Variants in BCAN observed in about 807,000 individuals in gnomAD.
BCAN encodes brevican, also known as brevican core protein.
Under a neutral mutation model 92.4 loss-of-function variants are expected in BCAN, and 51 were observed. The ratio of observed to expected loss-of-function variants is 0.55; its 90% CI spans 0.44 to 0.70. BCAN has a LOEUF of 0.70. BCAN is among the 30% of genes least tolerant of loss of function. The probability of loss-of-function intolerance (pLI) is 0.00; values close to 1 mark genes in which losing one functional copy is unlikely to be tolerated. For missense variants in BCAN, 1,140 were observed against 1,212.1 expected, an observed-to-expected ratio of 0.94 and a Z score of 0.88; for synonymous variants, 501 against 505.2, an observed-to-expected ratio of 0.99 and a Z score of 0.11.
rs1182682283 is a variant in BCAN, at chr1:156,648,657, A to G, written c.859A>G (p.Thr287Ala). The G allele has an allele frequency of 5.6e-6, 9 of 1,613,304 alleles. No individual in the cohort carries two copies. The East Asian group carries it at 1.3e-4, about 24-fold the overall frequency. The change falls in exon 6 of 14, where the codon ACG becomes GCG. Residue 287 changes from threonine (T) to alanine (A), a missense_variant. By Grantham distance (58) the Thr-to-Ala change is moderately conservative (BLOSUM62 0). Transcript: ENST00000329117. ...CQERGAEIATTGQLYAAWDGG... is the reference protein window; with the variant it reads ...CQERGAEIATAGQLYAAWDGG... ...GGAGCGGGGTGCAGAGATTGCCACC[A>G]CGGGCCAACTGTATGCAGCCTGGGA...
Position 156,646,948 on chromosome 1 carries a change from C to T in BCAN, c.239C>T (p.Thr80Ile), listed in dbSNP as rs1678999531. The change falls in exon 3 of 14, where the codon ACT (threonine) becomes ATT (isoleucine). Residue 80 changes from threonine (T) to isoleucine (I), a missense_variant. Thr to Ile is a moderately conservative substitution (Grantham distance 89). This residue lies in a region of BCAN where 286 missense variants were observed against 284.1 expected (regional missense o/e 1.01). Coordinates refer to ENST00000329117, the MANE Select transcript of BCAN (RefSeq NM_021948.5). The stretch of plus-strand genomic sequence containing the variant: ...CTGGGCTCTCCGCGGGTCAAGTGGA[C>T]TTTCCTGTCCCGGGGCCGGGAGGCA... ...AVLGSPRVKW[T>I]FLSRGREAEV... The T allele has an allele frequency of 6.2e-7, 1 of 1,612,826 alleles. No homozygotes were observed. The highest frequency in any genetic ancestry group is 8.5e-7 in the Non-Finnish European group (1 of 1,179,610).
rs1679046291 is a variant in BCAN, at chr1:156,648,091, T to C, written c.750T>C (p.Cys250=). The change falls in exon 5 of 14, where the codon TGT becomes TGC. Residue 250 remains cysteine (C), a synonymous_variant. Transcript: ENST00000329117. ...CGGATGACCTCTATGATGTGTACTG[T>C]TATGCTGAAGACCTAAATGGTGATT... ...VDPDDLYDVY[C]YAEDLNGELF... 1.9e-6 allele frequency: 3 copies of C among 1,613,534 alleles called. No individual in the cohort carries two copies. Among genetic ancestry groups the C allele is most frequent in the Admixed American group, 1.7e-5 (1 of 59,990 alleles).
chr1:156,658,997 G>C lies in BCAN; in HGVS notation c.2629-30G>C. 6.4e-7 allele frequency: 1 copy of C among 1,554,892 alleles called. No homozygotes were observed. Among genetic ancestry groups the C allele is most frequent in the Non-Finnish European group, 8.7e-7 (1 of 1,143,748 alleles). On this transcript the variant is annotated intron_variant, in intron 13 of 13. Coordinates refer to ENST00000329117, the MANE Select transcript of BCAN (RefSeq NM_021948.5). This position sits in a 1 kb window ranked among gnomAD's most constrained non-coding sequence, Gnocchi z 4.4. ...CTGAGGAGAGGAGAAGGAAGAGCCA[G>C]GGTGGAGGGTGAGTGTGTGTCTTCC...
Position 156,646,831 on chromosome 1 carries a change from G to A in BCAN, c.122G>A (p.Gly41Asp), listed in dbSNP as rs143238099. 3 of 1,579,932 alleles carry A rather than the reference G, an allele frequency of 1.9e-6. No homozygotes were observed. The highest frequency in any genetic ancestry group is 2.6e-6 in the Non-Finnish European group (3 of 1,164,544). The change falls in exon 3 of 14, where the codon GGC (glycine) becomes GAC (aspartate). Residue 41 changes from glycine (G) to aspartate (D), a missense_variant. Gly to Asp is a moderately conservative substitution (Grantham distance 94). Around this residue, in one of 3 missense-constraint regions of BCAN, gnomAD observed 286 missense variants for 284.1 expected, o/e 1.01. Coordinates refer to ENST00000329117, the MANE Select transcript of BCAN (RefSeq NM_021948.5). ...CGCGCTTTTCGCGTGCGCATCGCGG[G>A]CGACGCGCCACTGCAGGGCGTGCTC... Reference protein sequence around the residue: ...EDRAFRVRIAGDAPLQGVLGG... With the variant: ...EDRAFRVRIADDAPLQGVLGG...
chr1:156,656,878 C>T, intron 9 of BCAN, 60 bp from the exon 10 acceptor site: 2 of 1,584,368 alleles, frequency 1.3e-6, no homozygotes, highest in Admixed American at 3.4e-5. Context: ...CCAGCCCCTT[C>T]CAGGGGACCT....
At chr1:156,646,681 T>C (rs1044942827) in intron 2 of BCAN, 120 bp from the exon 3 acceptor site, 1 of 1,436,798 alleles carries the variant, frequency 7.0e-7, no homozygotes, top group Non-Finnish European at 9.2e-7. Flanking sequence ...CCCCTGGTCC[T>C]AGGGGGGCCG....
In BCAN at chr1:156,653,111, GC is replaced by G. The variant is rs1334166606; in HGVS notation, c.1942+223del. Reference sequence around the variant, plus strand: ...TCCGCGTCTTTACCCTGTGATCCCAGCCCCGCCACTGACCATCTGTGACCCT... The same window carrying G: ...TCCGCGTCTTTACCCTGTGATCCCAGCCCGCCACTGACCATCTGTGACCCT... On this transcript the variant is annotated intron_variant, in intron 8 of 13. Coordinates refer to ENST00000329117, the MANE Select transcript of BCAN (RefSeq NM_021948.5). The G allele has an allele frequency of 2.8e-6, 4 of 1,410,070 alleles. No homozygotes were observed. In the East Asian group the frequency reaches 7.9e-5, roughly 28 times the overall value. The allele number at this position is 1,410,070 out of a possible 1,614,324, so 87.3% of individuals were successfully genotyped here.
chr1:156,646,568 G>A (rs1416894554), intron 2 of BCAN: 3 of 640,314 alleles, frequency 4.7e-6, no homozygotes, highest in Admixed American at 3.5e-5. Context: ...AATCCTGGGG[G>A]CTGAATTGAC....
Position 156,652,455 on chromosome 1 carries a change from A to G in BCAN, c.1505A>G (p.Gln502Arg), listed in dbSNP as rs750807184. ...TCTCTCCCCACTGAGCCAGCAGCCCAGGAGGAGTCACTCTCCCAGGCGCCA... is the reference window on the plus strand; with the variant it reads ...TCTCTCCCCACTGAGCCAGCAGCCCGGGAGGAGTCACTCTCCCAGGCGCCA... ...EASLPTEPAAQEESLSQAPAR... is the reference protein window; with the variant it reads ...EASLPTEPAAREESLSQAPAR... The change falls in exon 8 of 14, where the codon CAG becomes CGG. Residue 502 changes from glutamine (Q) to arginine (R), a missense_variant. By Grantham distance (43) the Gln-to-Arg change is conservative. This residue lies in a region of BCAN where 825 missense variants were observed against 871.8 expected (regional missense o/e 0.95). Coordinates refer to ENST00000329117, the MANE Select transcript of BCAN (RefSeq NM_021948.5). 4 of 1,604,230 alleles carry G rather than the reference A, an allele frequency of 2.5e-6. No homozygotes were observed. The highest frequency in any genetic ancestry group is 2.6e-6 in the Non-Finnish European group (3 of 1,175,056).
chr1:156,646,859 C>T lies in BCAN; in HGVS notation c.150C>T (p.Gly50=). The T allele has an allele frequency of 6.2e-7, 1 of 1,607,134 alleles. No individual in the cohort carries two copies. Residue 50 remains glycine, a synonymous_variant, in exon 3 of 14, where the codon GGC becomes GGT. Transcript: ENST00000329117. ...ACGCGCCACTGCAGGGCGTGCTCGG[C>T]GGCGCCCTCACCATCCCTTGCCACG... ...AGDAPLQGVL[G]GALTIPCHVH...
chr1:156,646,211 T>C (rs2102555288), intron 2 of BCAN, 66 bp downstream of exon 2: 2 of 1,501,684 alleles, frequency 1.3e-6, no homozygotes, highest in African/African-American at 1.4e-5. Context: ...CTTCCAGGCT[T>C]AGGGGCCCCA....
At chr1:156,649,429 G>T (rs1189600235) in intron 6 of BCAN, among the ~76,000 whole-genome samples, 1 of 152,116 alleles carries the variant, frequency 6.6e-6, no homozygotes. Context: ...TTGAGACAGG[G>T]TCTCACTCCG....
At position 156,658,160 on chromosome 1, in the gene BCAN, A is replaced by G; in HGVS notation, c.2326A>G (p.Ser776Gly). The part of the protein sequence containing the change: ...YENWNPGQPD[S>G]YFLSGENCVV... Reference sequence around the variant, plus strand: ...GAACTGGAACCCTGGGCAGCCTGACAGCTACTTCCTGTCTGGAGAGAACTG... The same window carrying G: ...GAACTGGAACCCTGGGCAGCCTGACGGCTACTTCCTGTCTGGAGAGAACTG... The change falls in exon 12 of 14, where the codon AGC becomes GGC. Residue 776 changes from serine (S) to glycine (G), a missense_variant. Transcript: ENST00000329117. The surrounding 1 kb of genome is among the most constrained non-coding windows in gnomAD (Gnocchi z 4.4). 6.2e-7 allele frequency: 1 copy of G among 1,614,102 alleles called. No individual in the cohort carries two copies. Among genetic ancestry groups the G allele is most frequent in the South Asian group, 1.1e-5 (1 of 91,074 alleles).
chr1:156,654,373 G>C (rs1487180893), intron 8 of BCAN, among the ~76,000 whole-genome samples: 1 of 152,152 alleles, frequency 6.6e-6, no homozygotes, highest in Non-Finnish European at 1.5e-5. Flanking sequence ...TCAGCCCTGT[G>C]GGGGATAGGG....
At chr1:156,646,599 G>A (rs898469373) in intron 2 of BCAN, 2 of 834,858 alleles carry the variant, frequency 2.4e-6, no homozygotes, top group South Asian at 2.0e-5. Flanking sequence ...TGGGGGATGG[G>A]TCTGGAGACC....
In BCAN at chr1:156,642,780, ACTCGGCTC is replaced by A. The variant is rs1678833138; in HGVS notation, c.-9+508_-9+515del. On this transcript the variant is annotated intron_variant, in intron 1 of 13. Transcript: ENST00000329117. This position sits in a 1 kb window ranked among gnomAD's most constrained non-coding sequence, Gnocchi z 4.2. ...AGTGCCCATTTCGGCTGGAATCCCA[ACTCGGCTC>A]CTTGCTCTGTGACCTTGGGGTAGTT... 2.0e-5 allele frequency: 3 copies of A among 152,160 alleles called. No homozygotes were observed. The highest frequency in any genetic ancestry group is 2.9e-5 in the Non-Finnish European group (2 of 68,052). 9.4% of individuals were successfully genotyped at this position (152,160 alleles called of 1,614,324 possible).
Position 156,658,822 on chromosome 1 carries a change from A to G in BCAN, c.2628+89A>G. On this transcript the variant is annotated intron_variant, in intron 13 of 13. Transcript: ENST00000329117. This position sits in a 1 kb window ranked among gnomAD's most constrained non-coding sequence, Gnocchi z 4.4. ...CTTAAAGTCCTGCCTGTCACTGGCC[A>G]TGTGACCTTGGAGCCATCACTGCCC... The G allele has an allele frequency of 1.3e-6, 2 of 1,555,112 alleles. No homozygotes were observed. Among genetic ancestry groups the G allele is most frequent in the Non-Finnish European group, 1.8e-6 (2 of 1,137,176 alleles).
rs1461198581 is a variant in BCAN at position 156,647,351 on chromosome 1, G to C, written c.467-157G>C. The C allele has an allele frequency of 9.0e-7, 1 of 1,109,864 alleles. No individual in the cohort carries two copies. The highest frequency in any genetic ancestry group is 1.3e-6 in the Non-Finnish European group (1 of 793,408). 68.8% of individuals were successfully genotyped at this position (1,109,864 alleles called of 1,614,324 possible). The stretch of plus-strand genomic sequence containing the variant: ...TGTCTCCTTTCTCTCTTCAGGTGGA[G>C]GACATTCTACCCACAATCTAACTTA... On this transcript the variant is annotated intron_variant, in intron 3 of 13. Coordinates refer to ENST00000329117, the MANE Select transcript of BCAN (RefSeq NM_021948.5). This position sits in a 1 kb window ranked among gnomAD's most constrained non-coding sequence, Gnocchi z 4.8.
rs1679425090 is a variant in BCAN at position 156,658,688 on chromosome 1, C to T, written c.2583C>T (p.Asn861=). ...RNLPLIRCQE[N]GRWEAPQISC... ...TGCCGCTGATCCGATGCCAAGAGAACGGTCGTTGGGAGGCCCCCCAGATCT... is the reference window on the plus strand; with the variant it reads ...TGCCGCTGATCCGATGCCAAGAGAATGGTCGTTGGGAGGCCCCCCAGATCT... Residue 861 remains asparagine, a synonymous_variant, in exon 13 of 14, where the codon AAC becomes AAT. Transcript: ENST00000329117. This position sits in a 1 kb window ranked among gnomAD's most constrained non-coding sequence, Gnocchi z 4.4. 4.3e-6 allele frequency: 7 copies of T among 1,614,136 alleles called. No individual in the cohort carries two copies. The highest frequency in any genetic ancestry group is 2.2e-5 in the East Asian group (1 of 44,882).
Sources: gnomAD v4.1 joint callset for allele counts (sites outside exome capture counted in the v4.1 genomes callset) on GRCh38, gnomAD v4.1.1 for gene constraint, gnomAD v4.1.1 regional missense constraint, Gnocchi (gnomAD v3.1) non-coding constraint, MANE v1.5 for transcripts, NCBI Gene and HGNC (gene_info 2026-07-23, HGNC 2026-07-21) for gene names.